Variants in CPQ observed in about 807,000 individuals in gnomAD.
CPQ encodes the protein carboxypeptidase Q, also known as Ser-Met dipeptidase.
A neutral mutation model predicts 45.7 loss-of-function variants in CPQ; 37 were observed. The ratio of observed to expected loss-of-function variants is 0.81; its 90% confidence interval spans 0.62 to 1.07. The LOEUF (loss-of-function observed/expected upper bound fraction) is 1.07. Among genes scored for constraint, CPQ ranks in the 50% least tolerant of loss-of-function variants. The pLI is 0.00. For synonymous variants in CPQ, 186 were observed against 205.8 expected (o/e 0.90, Z 0.82); for missense variants, 537 against 572.9 (o/e 0.94, Z 0.64).
intron 4 of CPQ, among the ~76,000 whole-genome samples, chr8:96,948,979 T>C (rs1420067880): frequency 1.3e-5 from 2 of 152,124 alleles, no homozygotes; most frequent in Non-Finnish European, 2.9e-5. Flanking sequence ...TTGGTTACCA[T>C]TTGCTTAGAA....
At chr8:97,001,717 C>CTTTTTT (rs1170870469) in intron 5 of CPQ, among the ~76,000 whole-genome samples, 1 of 102,352 alleles carries the variant, frequency 9.8e-6, no homozygotes, top group African/African-American at 3.8e-5. Flanking sequence ...TTCTTTCTTT[C>CTTTTTT]TTTCTTTTTT....
chr8:96,747,502 A>G (rs1265418736), intron 1 of CPQ, among the ~76,000 whole-genome samples: 1 of 152,178 alleles, frequency 6.6e-6, no homozygotes, highest in Non-Finnish European at 1.5e-5. Flanking sequence ...AAATTCATCC[A>G]TGTGACTCTA....
At chr8:96,806,272 A>T (rs1014601903) in intron 2 of CPQ, among the ~76,000 whole-genome samples, 13 of 152,208 alleles carry the variant, frequency 8.5e-5, no homozygotes, top group Non-Finnish European at 1.8e-4. Flanking sequence ...AATAAAATTG[A>T]GATAATTTTT....
Position 96,696,419 on chromosome 8 carries a change from T to A in CPQ, c.-35+51017T>A, listed in dbSNP as rs111455229. The stretch of plus-strand genomic sequence containing the variant: ...AACTAACCTGCACATTGTGCACATG[T>A]ACCCTAAAACTTGAAGTATAATAAT... On this transcript the variant is annotated intron_variant, in intron 1 of 7. Coordinates refer to ENST00000220763, the MANE Select transcript of CPQ (RefSeq NM_016134.4). 6.6e-5 allele frequency among the ~76,000 whole-genome samples: 10 copies of A among 151,292 alleles called. 2 individuals carry two copies. The highest frequency in any genetic ancestry group is 2.4e-4 in the African/African-American group (10 of 41,094).
intron 1 of CPQ, among the ~76,000 whole-genome samples, chr8:96,711,860 A>C (rs1279077188): frequency 6.6e-6 from 1 of 152,154 alleles, no homozygotes. Context: ...CCATCCTAAC[A>C]GTCCCCCAAA....
At position 96,774,853 on chromosome 8, in the gene CPQ, A is replaced by T. The variant is rs112942190; in HGVS notation, c.-34-10011A>T. ...GTGTAAACAATATATTTAATTATGG[A>T]TCCCCAAGAAGCACTTAAAAGTAGT... On this transcript the variant is annotated intron_variant, in intron 1 of 7. Coordinates refer to ENST00000220763, the MANE Select transcript of CPQ (RefSeq NM_016134.4). Among the ~76,000 whole-genome samples the T allele has an allele frequency of 5.5e-3, 838 of 152,306 alleles. 7 individuals carry two copies. The highest frequency in any genetic ancestry group is 0.019 in the African/African-American group (769 of 41,556).
chr8:96,693,907 A>G (rs954862824), intron 1 of CPQ, among the ~76,000 whole-genome samples: 2 of 152,160 alleles, frequency 1.3e-5, no homozygotes, highest in East Asian at 3.8e-4. Context: ...ATAAACTGCA[A>G]CTCTTCAAGA....
rs1431244060 is a variant in CPQ at position 97,122,970 on chromosome 8, A to AT, written c.1256-20049dup. On this transcript the variant is annotated intron_variant, in intron 7 of 7. Transcript: ENST00000220763. ...ATAAAATAAAATAAAATAAAATAAA[A>AT]TAAAATAAAATTAAAATAAAATAAA... Among the ~76,000 whole-genome samples the AT allele has an allele frequency of 4.8e-4, 36 of 74,672 alleles. 3 individuals are homozygous for AT. Among genetic ancestry groups the AT allele is most frequent in the African/African-American group, 1.9e-3 (25 of 13,278 alleles). The allele number at this position is 74,672 out of a possible 152,430, so 49.0% of individuals were successfully genotyped here. A position where few individuals can be genotyped will look rare whatever the true frequency, so the allele number is the denominator to read the frequency against.
chr8:97,102,784 G>A (rs975350394), intron 7 of CPQ, among the ~76,000 whole-genome samples: 1 of 152,176 alleles, frequency 6.6e-6, no homozygotes, highest in African/African-American at 2.4e-5. Context: ...GTGATGCTTA[G>A]TTGACTATAT....
chr8:96,646,284 A>G (rs1383285215), intron 1 of CPQ, among the ~76,000 whole-genome samples: 1 of 152,072 alleles, frequency 6.6e-6, no homozygotes, highest in Non-Finnish European at 1.5e-5. Context: ...GCTTAAAACA[A>G]AATATGCCTA....
intron 5 of CPQ, among the ~76,000 whole-genome samples, chr8:97,002,676 T>C (rs1809306691): frequency 6.6e-6 from 1 of 152,098 alleles, no homozygotes. Context: ...TTTTACTTTA[T>C]GTGATTTATT....
chr8:97,005,862 A>G (rs1412077877), intron 5 of CPQ, among the ~76,000 whole-genome samples: 1 of 152,210 alleles, frequency 6.6e-6, no homozygotes, highest in Admixed American at 6.5e-5. Flanking sequence ...TTCCCACTCC[A>G]GAGGAAATTT....
At chr8:96,736,534 T>A (rs2130774475) in intron 1 of CPQ, among the ~76,000 whole-genome samples, 1 of 152,304 alleles carries the variant, frequency 6.6e-6, no homozygotes, top group South Asian at 2.1e-4. Flanking sequence ...GGAGAGCCCT[T>A]TGGTGTTTTG....
At chr8:96,916,687 C>T (rs1812737284) in intron 4 of CPQ, among the ~76,000 whole-genome samples, 1 of 152,038 alleles carries the variant, frequency 6.6e-6, no homozygotes, top group Non-Finnish European at 1.5e-5. Context: ...CCTTAATATC[C>T]TTTTCCTGTT....
intron 1 of CPQ, among the ~76,000 whole-genome samples, chr8:96,764,788 G>A (rs1001753288): frequency 1.4e-4 from 22 of 152,154 alleles, no homozygotes; most frequent in African/African-American, 5.3e-4. Context: ...ACTCTTCACA[G>A]TGCTTGCTGA....
At chr8:96,776,019 G>C (rs1175220305) in intron 1 of CPQ, among the ~76,000 whole-genome samples, 1 of 152,148 alleles carries the variant, frequency 6.6e-6, no homozygotes, top group Non-Finnish European at 1.5e-5. Flanking sequence ...GTAGGAACTG[G>C]GTTTTCCTTA....
intron 4 of CPQ, among the ~76,000 whole-genome samples, chr8:96,915,496 G>A (rs1294301651): frequency 6.6e-6 from 1 of 152,156 alleles, no homozygotes; most frequent in East Asian, 1.9e-4. Context: ...ACCCACCCAT[G>A]TAGAGCAAAT....
chr8:96,766,832 C>A (rs140722010), intron 1 of CPQ, among the ~76,000 whole-genome samples: 140 of 152,268 alleles, frequency 9.2e-4, no homozygotes, highest in African/African-American at 3.2e-3. Context: ...ATTACTGATG[C>A]AGGGAAGCAA....
chr8:96,832,005 TCA>T (rs1811466590), intron 2 of CPQ, among the ~76,000 whole-genome samples: 4 of 152,320 alleles, frequency 2.6e-5, no homozygotes, highest in Admixed American at 2.0e-4. Flanking sequence ...AACATTTCTG[TCA>T]CTGTAGAAAG....
Sources: gnomAD v4.1 joint callset for allele counts (sites outside exome capture counted in the v4.1 genomes callset) on GRCh38, gnomAD v4.1.1 for gene constraint, MANE v1.5 for transcripts, NCBI Gene and HGNC (gene_info 2026-07-23, HGNC 2026-07-21) for gene names.